ATG4C: variants seen among roughly 807,000 people sequenced by gnomAD.
ATG4C encodes cysteine protease ATG4C.
Under a neutral mutation model 57.6 loss-of-function variants are expected in ATG4C, and 56 were observed. The ratio of observed to expected loss-of-function variants is 0.97; its 90% CI spans 0.78 to 1.21. ATG4C has a LOEUF of 1.21. Ranked by LOEUF, ATG4C falls within the 50% of genes most tolerant of loss-of-function variation. ATG4C has a pLI of 0.00. For missense variants in ATG4C, 595 were observed against 529.8 expected, an observed-to-expected ratio of 1.12 and a Z score of -1.21; for synonymous variants, 157 against 174.1, an observed-to-expected ratio of 0.90 and a Z score of 0.78.
At chr1:62,838,949 AT>A (rs1666084623) in intron 9 of ATG4C, among the ~76,000 whole-genome samples, 1 of 152,194 alleles carries the variant, frequency 6.6e-6, no homozygotes, top group Non-Finnish European at 1.5e-5. Flanking sequence ...ATGAATAACA[AT>A]TTAGTGTTTG....
At chr1:62,798,935 C>A (rs941896697) in intron 1 of ATG4C, among the ~76,000 whole-genome samples, 2 of 151,956 alleles carry the variant, frequency 1.3e-5, no homozygotes, top group African/African-American at 4.8e-5. Context: ...GAGCCACCGC[C>A]CCTGGCTATT....
chr1:62,816,896 T>A, intron 4 of ATG4C, 88 bp downstream of exon 4: 1 of 992,886 alleles, frequency 1.0e-6, no homozygotes, highest in Non-Finnish European at 1.4e-6. Flanking sequence ...ACAAACTGCA[T>A]GAAATTCCCT....
chr1:62,853,550 A>C (rs1327647392), intron 10 of ATG4C, among the ~76,000 whole-genome samples: 3 of 152,124 alleles, frequency 2.0e-5, no homozygotes, highest in Non-Finnish European at 2.9e-5. Flanking sequence ...GGTCTCAAGC[A>C]ATCCTCCCAC....
In ATG4C at chr1:62,816,652, C is replaced by T. The variant is rs146646910; in HGVS notation, c.238C>T (p.Arg80Cys). 16 of 1,613,598 alleles carry T rather than the reference C, an allele frequency of 9.9e-6. 1 individual carries two copies. The highest frequency in any genetic ancestry group is 4.4e-5 in the South Asian group (4 of 91,054). The change falls in exon 4 of 11, where the codon CGT (arginine) becomes TGT (cysteine). Residue 80 changes from arginine (R) to cysteine (C), a missense_variant. Transcript: ENST00000317868. ...AATTGCAGGAAATGTAGAAGAATTT[C>T]GTAAAGATTTCATTTCTAGAATATG... ...HVIAGNVEEF[R>C]KDFISRIWLT...
intron 1 of ATG4C, among the ~76,000 whole-genome samples, chr1:62,784,838 C>T (rs540821961): frequency 6.6e-6 from 1 of 152,292 alleles, no homozygotes; most frequent in South Asian, 2.1e-4. Context: ...TCTCCCAACC[C>T]TACCCACATC....
At chr1:62,821,925 A>G (rs1224446588) in intron 6 of ATG4C, among the ~76,000 whole-genome samples, 1 of 152,078 alleles carries the variant, frequency 6.6e-6, no homozygotes, top group Admixed American at 6.6e-5. Flanking sequence ...TTTGATTGCA[A>G]CCCATCACAT....
At chr1:62,796,942 T>C (rs1027426416) in intron 1 of ATG4C, among the ~76,000 whole-genome samples, 3 of 152,110 alleles carry the variant, frequency 2.0e-5, no homozygotes, top group Non-Finnish European at 2.9e-5. Context: ...ACCCCGTCTC[T>C]ACTAAAAATA....
At chr1:62,834,229 C>A in intron 8 of ATG4C, 113 bp downstream of exon 8, 1 of 865,032 alleles carries the variant, frequency 1.2e-6, no homozygotes, top group Non-Finnish European at 1.8e-6. Context: ...GTACCTTATA[C>A]ATTCATCAGT....
chr1:62,821,212 A>G lies in ATG4C; in HGVS notation c.796+3A>G. The G allele has an allele frequency of 1.3e-6, 2 of 1,569,988 alleles. No homozygotes were observed. The highest frequency in any genetic ancestry group is 2.4e-5 in the South Asian group (2 of 84,146). On this transcript the variant is annotated splice_donor_region_variant and intron_variant, in intron 6 of 10. Transcript: ENST00000317868. The stretch of plus-strand genomic sequence containing the variant: ...TTATGTTGCACAAGATTGTACAGGT[A>G]AGGAATGTATATAATTCTAATCTTT...
intron 10 of ATG4C, among the ~76,000 whole-genome samples, chr1:62,861,265 G>T (rs1666842756): frequency 6.6e-6 from 1 of 152,010 alleles, no homozygotes; most frequent in African/African-American, 2.4e-5. Flanking sequence ...CGAAAAATAG[G>T]CTGGCCGTGG....
At chr1:62,854,283 C>CT (rs1342310702) in intron 10 of ATG4C, among the ~76,000 whole-genome samples, 137 of 138,542 alleles carry the variant, frequency 9.9e-4, no homozygotes, top group Middle Eastern at 3.8e-3. Flanking sequence ...CTTTTTCTTT[C>CT]TTTTTTTTTT....
intron 10 of ATG4C, among the ~76,000 whole-genome samples, chr1:62,856,856 G>T (rs1666699541): frequency 6.6e-6 from 1 of 152,106 alleles, no homozygotes; most frequent in Non-Finnish European, 1.5e-5. Context: ...TCTATGGTAG[G>T]ATGTTTATGA....
At chr1:62,855,265 C>A (rs1239863552) in intron 10 of ATG4C, among the ~76,000 whole-genome samples, 1 of 152,164 alleles carries the variant, frequency 6.6e-6, no homozygotes, top group Non-Finnish European at 1.5e-5. Context: ...TCCTTCCTAA[C>A]TCACAAACTT....
intron 9 of ATG4C, among the ~76,000 whole-genome samples, chr1:62,840,928 T>C (rs1666147195): frequency 6.6e-6 from 1 of 152,234 alleles, no homozygotes; most frequent in Non-Finnish European, 1.5e-5. Context: ...ATTGTGTGAA[T>C]TGCTAAAACC....
intron 3 of ATG4C, among the ~76,000 whole-genome samples, chr1:62,815,332 T>C (rs1318430674): frequency 2.0e-5 from 3 of 152,178 alleles, no homozygotes; most frequent in South Asian, 4.1e-4. Flanking sequence ...CTCTGACTTA[T>C]CACAGTCTGC....
At chr1:62,845,128 C>G (rs1266909968) in intron 10 of ATG4C, among the ~76,000 whole-genome samples, 1 of 151,730 alleles carries the variant, frequency 6.6e-6, no homozygotes, top group Non-Finnish European at 1.5e-5. Context: ...ATACTAGATA[C>G]ATTACAGTGG....
chr1:62,826,515 C>T (rs1431907954), intron 6 of ATG4C, among the ~76,000 whole-genome samples: 3 of 152,094 alleles, frequency 2.0e-5, no homozygotes, highest in African/African-American at 4.8e-5. Flanking sequence ...GGATTACAGG[C>T]GTGAGCTACC....
At chr1:62,836,523 A>C (rs543863120) in intron 9 of ATG4C, among the ~76,000 whole-genome samples, 1 of 152,176 alleles carries the variant, frequency 6.6e-6, no homozygotes, top group African/African-American at 2.4e-5. Flanking sequence ...AATTATATCA[A>C]GTTGTAGAGG....
In ATG4C at chr1:62,864,607, T is replaced by A. The variant is rs1666952261; in HGVS notation, c.*448T>A. 6.4e-6 allele frequency: 1 copy of A among 156,204 alleles called. No homozygotes were observed. Among genetic ancestry groups the A allele is most frequent in the Non-Finnish European group, 1.4e-5 (1 of 71,110 alleles). 9.7% of individuals were successfully genotyped at this position (156,204 alleles called of 1,614,324 possible). On this transcript the variant is annotated 3_prime_UTR_variant, in exon 11 of 11. Transcript: ENST00000317868. ...GTCTAGCCTCCTGCTATTAATGCAATCAAAGAATACTTTTGCATATGTCTT... is the reference window on the plus strand; with the variant it reads ...GTCTAGCCTCCTGCTATTAATGCAAACAAAGAATACTTTTGCATATGTCTT...
Sources: gnomAD v4.1 joint callset for allele counts (sites outside exome capture counted in the v4.1 genomes callset) on GRCh38, gnomAD v4.1.1 for gene constraint, MANE v1.5 for transcripts, NCBI Gene and HGNC (gene_info 2026-07-23, HGNC 2026-07-21) for gene names.